SUSD5: variants seen among roughly 807,000 people sequenced by gnomAD.
SUSD5 encodes the protein sushi domain-containing protein 5.
SUSD5 carries 33 observed loss-of-function variants against 29.5 expected under a neutral mutation model. The ratio of observed to expected loss-of-function variants is 1.12; its 90% CI spans 0.85 to 1.49. SUSD5 has a LOEUF of 1.49. Ranked by LOEUF, SUSD5 falls within the 40% of genes most tolerant of loss-of-function variation. The pLI is 0.00. For synonymous variants in SUSD5, 308 were observed against 325.3 expected (o/e 0.95, Z 0.57); for missense variants, 776 against 800.6 (o/e 0.97, Z 0.37).
intron 4 of SUSD5, among the ~76,000 whole-genome samples, chr3:33,171,638 T>C (rs2031430356): frequency 6.6e-6 from 1 of 152,302 alleles, no homozygotes; most frequent in South Asian, 2.1e-4. Context: ...GAGTTGTCAG[T>C]CCTTGGCCTT....
intron 4 of SUSD5, among the ~76,000 whole-genome samples, chr3:33,158,175 G>C (rs995370159): frequency 2.0e-5 from 3 of 152,260 alleles, no homozygotes; most frequent in Non-Finnish European, 4.4e-5. Flanking sequence ...ACTGGGATCA[G>C]TTTCCAGGAG....
At chr3:33,175,189 G>T (rs2125620834) in intron 3 of SUSD5, 115 bp from the exon 4 acceptor site, 1 of 1,115,844 alleles carries the variant, frequency 9.0e-7, no homozygotes, top group Non-Finnish European at 1.3e-6. Context: ...CCTCAACTGT[G>T]ATCACAGGGG....
chr3:33,159,488 T>C (rs2031128570), intron 4 of SUSD5, among the ~76,000 whole-genome samples: 1 of 152,196 alleles, frequency 6.6e-6, no homozygotes, highest in Non-Finnish European at 1.5e-5. Context: ...TGCTTCTGGC[T>C]GCCCGTCCCT....
chr3:33,215,001 T>A (rs1381676989), intron 1 of SUSD5, among the ~76,000 whole-genome samples: 1 of 152,096 alleles, frequency 6.6e-6, no homozygotes. Flanking sequence ...ACAAGTCATC[T>A]GCTTGCAAAA....
rs780260281 is a variant in SUSD5 at position 33,207,875 on chromosome 3, G to A, written c.342C>T (p.Val114=). 15 of 1,613,736 alleles carry A rather than the reference G, an allele frequency of 9.3e-6. No homozygotes were observed. Among genetic ancestry groups the A allele is most frequent in the African/African-American group, 6.7e-5 (5 of 74,896 alleles). ...CTGGGTTGCTCTCAATTCTCACATC[G>A]ACAGCTCTCATGATTTGCTGTTCTC... ...GSGEQQIMRA[V]DVRIESNPVP... The change falls in exon 3 of 5, where the codon GTC becomes GTT. Residue 114 remains valine (V), a synonymous_variant. Transcript: ENST00000309558.
At chr3:33,161,494 C>T (rs1438061254) in intron 4 of SUSD5, among the ~76,000 whole-genome samples, 1 of 149,310 alleles carries the variant, frequency 6.7e-6, no homozygotes, top group East Asian at 2.1e-4. Flanking sequence ...AGAGAGAAAA[C>T]AAAAACGACA....
chr3:33,170,777 A>G (rs13072763), intron 4 of SUSD5, among the ~76,000 whole-genome samples: 126,300 of 152,220 alleles, frequency 0.83, 52,995 homozygotes, highest in East Asian at 1. Context: ...AGTAACAGAC[A>G]GTTGAAGTCA....
At chr3:33,159,192 G>A (rs2031122009) in intron 4 of SUSD5, among the ~76,000 whole-genome samples, 1 of 152,304 alleles carries the variant, frequency 6.6e-6, no homozygotes, top group Admixed American at 6.5e-5. Context: ...TGTCAAGGTG[G>A]GTGGTGAGTC....
In SUSD5 at chr3:33,167,258, A is replaced by G. The variant is rs997679142; in HGVS notation, c.598+7628T>C. On this transcript the variant is annotated intron_variant, in intron 4 of 4. Coordinates refer to ENST00000309558, the MANE Select transcript of SUSD5 (RefSeq NM_015551.2). The surrounding 1 kb of genome is among the most constrained non-coding windows in gnomAD (Gnocchi z 4.1). Reference sequence around the variant, plus strand: ...CCTGGAACACAGGCAGAAGATGAGTATGTTCTCCTCTCTCACTTTTTTGTG... The same window carrying G: ...CCTGGAACACAGGCAGAAGATGAGTGTGTTCTCCTCTCTCACTTTTTTGTG... Among the ~76,000 whole-genome samples, 2 of 151,952 alleles carry G rather than the reference A, an allele frequency of 1.3e-5. No individual in the cohort carries two copies. The highest frequency in any genetic ancestry group is 1.3e-4 in the Admixed American group (2 of 15,242).
Position 33,152,779 on chromosome 3 carries a change from C to T in SUSD5, c.1853G>A (p.Arg618Gln), listed in dbSNP as rs370876768. ...YKLNVGQRQARHYHQQIEMEK... is the reference protein window; with the variant it reads ...YKLNVGQRQAQHYHQQIEMEK... ...CATCTCGATCTGCTGGTGGTAGTGC[C>T]GAGCCTGCCGCTGGCCAACATTCAG... Residue 618 changes from arginine to glutamine, a missense_variant, in exon 5 of 5, where the codon CGG (arginine) becomes CAG (glutamine). Arg to Gln is a conservative substitution (Grantham distance 43, BLOSUM62 1). Transcript: ENST00000309558. 1.3e-4 allele frequency: 202 copies of T among 1,613,020 alleles called. 1 individual carries two copies. Among genetic ancestry groups the T allele is most frequent in the Non-Finnish European group, 1.5e-4 (179 of 1,179,400 alleles).
At chr3:33,161,673 A>G (rs574452014) in intron 4 of SUSD5, among the ~76,000 whole-genome samples, 2 of 152,002 alleles carry the variant, frequency 1.3e-5, no homozygotes, top group Non-Finnish European at 2.9e-5. Context: ...TAAAAGAATT[A>G]AAAAAAGTCA....
At chr3:33,174,854 A>T (rs768785631) in intron 4 of SUSD5, 32 bp downstream of exon 4, 23 of 1,609,308 alleles carry the variant, frequency 1.4e-5, no homozygotes, top group African/African-American at 4.0e-5. Flanking sequence ...CTGCGTGGGC[A>T]CGCGAAGGTG....
intron 4 of SUSD5, among the ~76,000 whole-genome samples, chr3:33,159,844 C>T (rs12631761): frequency 0.13 from 20,260 of 152,122 alleles, 1,597 homozygotes; most frequent in South Asian, 0.23. Flanking sequence ...TAATATATTG[C>T]AATGAATTTC....
intron 4 of SUSD5, among the ~76,000 whole-genome samples, chr3:33,163,536 T>A (rs1431040112): frequency 1.3e-5 from 2 of 152,096 alleles, no homozygotes; most frequent in Non-Finnish European, 2.9e-5. Flanking sequence ...TTAACCTGAT[T>A]TTTAAAATAC....
At position 33,152,648 on chromosome 3, in the gene SUSD5, A is replaced by C. The variant is rs985131679; in HGVS notation, c.*94T>G. 9 of 1,333,200 alleles carry C rather than the reference A, an allele frequency of 6.8e-6. No homozygotes were observed. Among genetic ancestry groups the C allele is most frequent in the Non-Finnish European group, 9.1e-6 (9 of 984,038 alleles). The allele number at this position is 1,333,200 out of a possible 1,614,324, so 82.6% of individuals were successfully genotyped here. A position where few individuals can be genotyped will look rare whatever the true frequency, so the allele number is the denominator to read the frequency against. On this transcript the variant is annotated 3_prime_UTR_variant, in exon 5 of 5. Transcript: ENST00000309558. ...GGCTGAGGAAAAAATGATGAGCCTC[A>C]GTCCACCTGCGTCATGCTCTAGTGA...
rs2125617649 is a variant in SUSD5 at position 33,167,143 on chromosome 3, C to T, written c.598+7743G>A. Among the ~76,000 whole-genome samples the T allele has an allele frequency of 6.6e-6, 1 of 151,952 alleles. No homozygotes were observed. The highest frequency in any genetic ancestry group is 6.5e-5 in the Admixed American group (1 of 15,270). ...GCAGTGAGCCGAGATCACACCACTG[C>T]ACTCCAGCCTGGGCAACAAGAGCGA... On this transcript the variant is annotated intron_variant, in intron 4 of 4. Transcript: ENST00000309558. The surrounding 1 kb of genome is among the most constrained non-coding windows in gnomAD (Gnocchi z 4.1).
intron 3 of SUSD5, among the ~76,000 whole-genome samples, chr3:33,177,232 C>T (rs939104746): frequency 1.3e-5 from 2 of 152,094 alleles, no homozygotes; most frequent in Non-Finnish European, 2.9e-5. Context: ...CAATGGAACA[C>T]GAGGCATAAA....
At position 33,151,564 on chromosome 3, in the gene SUSD5, G is replaced by C. The variant is rs754189709; in HGVS notation, c.*1178C>G. 3 of 150,166 alleles carry C rather than the reference G, an allele frequency of 2.0e-5. No homozygotes were observed. 9.3% of individuals were successfully genotyped at this position (150,166 alleles called of 1,614,324 possible). A position where few individuals can be genotyped will look rare whatever the true frequency, so the allele number is the denominator to read the frequency against. On this transcript the variant is annotated 3_prime_UTR_variant, in exon 5 of 5. Transcript: ENST00000309558. ...AAAACATTTCTTTTTTTTTTCTCCC[G>C]TGTCATTCTCTCTTACTGGAGTTCA...
intron 3 of SUSD5, among the ~76,000 whole-genome samples, chr3:33,176,140 A>G (rs2031548009): frequency 6.6e-6 from 1 of 152,190 alleles, no homozygotes; most frequent in Admixed American, 6.5e-5. Flanking sequence ...GTAACATGCA[A>G]TTAAAGCTCC....
Sources: gnomAD v4.1 joint callset for allele counts (sites outside exome capture counted in the v4.1 genomes callset) on GRCh38, gnomAD v4.1.1 for gene constraint, Gnocchi (gnomAD v3.1) non-coding constraint, MANE v1.5 for transcripts, NCBI Gene and HGNC (gene_info 2026-07-23, HGNC 2026-07-21) for gene names.